The following KCNIP4 variants were observed in gnomAD, a reference collection of about 807,000 sequenced individuals.
KCNIP4 encodes the protein potassium voltage-gated channel interacting protein 4, also known as Kv channel-interacting protein 4.
A neutral mutation model predicts 34.0 loss-of-function variants in KCNIP4; 12 were observed. The ratio of observed to expected loss-of-function variants is 0.35; its 90% CI spans 0.23 to 0.57. KCNIP4 has a LOEUF of 0.57. KCNIP4 is among the 20% of genes least tolerant of loss of function. The probability of loss-of-function intolerance (pLI) is 0.83; values close to 1 mark genes in which losing one functional copy is unlikely to be tolerated. For missense variants in KCNIP4, 238 were observed against 311.7 expected, an observed-to-expected ratio of 0.76 and a Z score of 1.78; for synonymous variants, 124 against 102.2, an observed-to-expected ratio of 1.21 and a Z score of -1.29.
chr4:21,909,678 G>C (rs1728191536), intron 1 of KCNIP4, among the ~76,000 whole-genome samples: 1 of 152,024 alleles, frequency 6.6e-6, no homozygotes, highest in Non-Finnish European at 1.5e-5. Flanking sequence ...TCATGCTGCT[G>C]ATAAAAACAT....
chr4:21,931,429 C>CCA (rs1333749041), intron 1 of KCNIP4, among the ~76,000 whole-genome samples: 1 of 112,644 alleles, frequency 8.9e-6, no homozygotes, highest in Non-Finnish European at 1.7e-5. Flanking sequence ...TCCCCCCACC[C>CCA]CACAACAGGC....
At chr4:21,153,349 A>G (rs1032425312) in intron 1 of KCNIP4, among the ~76,000 whole-genome samples, 2 of 151,848 alleles carry the variant, frequency 1.3e-5, no homozygotes, top group African/African-American at 4.8e-5. Flanking sequence ...TTGTATTTTC[A>G]GTGTTATTTT....
chr4:21,847,957 C>T (rs1399940332), intron 1 of KCNIP4: 1 of 152,066 alleles, frequency 6.6e-6, no homozygotes, highest in East Asian at 1.9e-4. Context: ...ACCATTGCAA[C>T]ACGCTGGTTG....
At chr4:20,732,465 G>GTGTT (rs375978838) in intron 7 of KCNIP4, among the ~76,000 whole-genome samples, 24 of 152,210 alleles carry the variant, frequency 1.6e-4, no homozygotes, top group African/African-American at 5.8e-4. Flanking sequence ...GAACTGTTTA[G>GTGTT]TGTTGTATCT....
At chr4:21,381,828 T>C (rs377038446) in intron 1 of KCNIP4, among the ~76,000 whole-genome samples, 48 of 152,294 alleles carry the variant, frequency 3.2e-4, no homozygotes, top group East Asian at 2.1e-3. Context: ...GGAGTAAGTA[T>C]TAAATTGTGA....
At chr4:21,615,527 C>T (rs1489484523) in intron 1 of KCNIP4, among the ~76,000 whole-genome samples, 2 of 151,032 alleles carry the variant, frequency 1.3e-5, no homozygotes, top group South Asian at 2.1e-4. Flanking sequence ...GCCTGGGCTA[C>T]AGGGCGAGAC....
chr4:20,853,693 T>G (rs528679815), intron 2 of KCNIP4, among the ~76,000 whole-genome samples: 1 of 152,052 alleles, frequency 6.6e-6, no homozygotes, highest in Non-Finnish European at 1.5e-5. Flanking sequence ...AAAGGAACAG[T>G]CAGCAGAGTA....
At chr4:21,139,724 G>A (rs1401776583) in intron 1 of KCNIP4, among the ~76,000 whole-genome samples, 1 of 118,674 alleles carries the variant, frequency 8.4e-6, no homozygotes, top group East Asian at 2.1e-4. Flanking sequence ...TTCTGCTCGG[G>A]CTTACTGTCT....
chr4:21,325,514 G>A (rs1714948622), intron 1 of KCNIP4, among the ~76,000 whole-genome samples: 1 of 151,674 alleles, frequency 6.6e-6, no homozygotes, highest in Non-Finnish European at 1.5e-5. Flanking sequence ...TCTGTCTAAA[G>A]TTCTGTCAAT....
chr4:21,200,376 A>ATG (rs1220471426), intron 1 of KCNIP4, among the ~76,000 whole-genome samples: 1 of 59,872 alleles, frequency 1.7e-5, no homozygotes, highest in South Asian at 6.2e-4. Flanking sequence ...ACATACATAT[A>ATG]TGTGTGTATA....
Position 20,882,949 on chromosome 4 carries a change from C to T in KCNIP4, c.62-240G>A, listed in dbSNP as rs191476286. Among the ~76,000 whole-genome samples the T allele has an allele frequency of 1.4e-3, 214 of 149,428 alleles. 2 individuals are homozygous for T. Among genetic ancestry groups the T allele is most frequent in the African/African-American group, 4.8e-3 (194 of 40,564 alleles). ...AATGACGAACAAGTGAAAGCAGAATCGTAAAATATATCTATTGAACGGCAA... is the reference window on the plus strand; with the variant it reads ...AATGACGAACAAGTGAAAGCAGAATTGTAAAATATATCTATTGAACGGCAA... On this transcript the variant is annotated intron_variant, in intron 1 of 8. Coordinates refer to ENST00000382152, the MANE Select transcript of KCNIP4 (RefSeq NM_025221.6).
At chr4:20,906,494 G>T (rs549238130) in intron 1 of KCNIP4, among the ~76,000 whole-genome samples, 30 of 152,202 alleles carry the variant, frequency 2.0e-4, no homozygotes, top group Admixed American at 4.6e-4. Flanking sequence ...TGTCTGCCTT[G>T]CCAGGAACTC....
chr4:21,825,402 T>C (rs1254043586), intron 1 of KCNIP4, among the ~76,000 whole-genome samples: 1 of 152,190 alleles, frequency 6.6e-6, no homozygotes, highest in African/African-American at 2.4e-5. Flanking sequence ...ACATCATTTT[T>C]ATTCCCAACA....
Position 20,807,896 on chromosome 4 carries a change from G to A in KCNIP4, c.288+42647C>T, listed in dbSNP as rs112962383. ...GGAAGATAACGATGTCTTCACTGGC[G>A]CACCTACAGTACATCTAACAAGTTT... On this transcript the variant is annotated intron_variant, in intron 3 of 8. Coordinates refer to ENST00000382152, the MANE Select transcript of KCNIP4 (RefSeq NM_025221.6). Among the ~76,000 whole-genome samples, 53 of 152,154 alleles carry A rather than the reference G, an allele frequency of 3.5e-4. 1 individual carries two copies. Among genetic ancestry groups the A allele is most frequent in the African/African-American group, 1.1e-3 (47 of 41,510 alleles).
At chr4:21,702,179 T>C (rs992444625) in intron 1 of KCNIP4, among the ~76,000 whole-genome samples, 6 of 152,028 alleles carry the variant, frequency 3.9e-5, no homozygotes, top group African/African-American at 1.5e-4. Context: ...AAGATCGAGG[T>C]GCCAGAATAT....
At chr4:21,906,816 T>C (rs574180057) in intron 1 of KCNIP4, among the ~76,000 whole-genome samples, 2 of 152,324 alleles carry the variant, frequency 1.3e-5, no homozygotes, top group African/African-American at 4.8e-5. Flanking sequence ...TACATCTTTT[T>C]ACATACATCA....
chr4:21,673,666 G>A (rs1388901404), intron 1 of KCNIP4, among the ~76,000 whole-genome samples: 1 of 152,090 alleles, frequency 6.6e-6, no homozygotes, highest in Non-Finnish European at 1.5e-5. Context: ...TATCTGTAAA[G>A]ATGCAATTAT....
intron 3 of KCNIP4, among the ~76,000 whole-genome samples, chr4:20,772,251 A>G (rs568994316): frequency 4.4e-4 from 67 of 152,282 alleles, no homozygotes; most frequent in African/African-American, 1.6e-3. Flanking sequence ...CTTTTATCCC[A>G]ATGTCTTTCA....
intron 1 of KCNIP4, among the ~76,000 whole-genome samples, chr4:21,336,312 A>G (rs1337669992): frequency 6.6e-6 from 1 of 152,052 alleles, no homozygotes. Flanking sequence ...TCTTGTATCT[A>G]TCTTCTCTGT....
Sources: gnomAD v4.1 joint callset for allele counts (sites outside exome capture counted in the v4.1 genomes callset) on GRCh38, gnomAD v4.1.1 for gene constraint, MANE v1.5 for transcripts, NCBI Gene and HGNC (gene_info 2026-07-23, HGNC 2026-07-21) for gene names.